ZNF791: variants seen among roughly 807,000 people sequenced by gnomAD.
The protein encoded by ZNF791 is zinc finger protein 791.
Under a neutral mutation model 11.5 loss-of-function variants are expected in ZNF791, and 4 were observed. The observed-to-expected ratio is 0.35, with a 90% CI of 0.17 to 0.80. ZNF791 has a LOEUF of 0.80. ZNF791 is among the 30% of genes least tolerant of loss of function. The pLI is 0.53. For synonymous variants in ZNF791, 212 were observed against 228.1 expected (o/e 0.93, Z 0.64); for missense variants, 559 against 699.4 (o/e 0.80, Z 2.26).
chr19:12,624,743 CTTGAAAGAATCTTAAAAATGTTAT>C, intron 3 of ZNF791, 33 bp downstream of exon 3: 1 of 1,552,838 alleles, frequency 6.4e-7, no homozygotes, highest in Non-Finnish European at 8.8e-7. Flanking sequence ...AACAGTGTTC[CTTGAAAGAATCTTAAAAATGTTAT>C]GGCCGGGCAC....
intron 1 of ZNF791, among the ~76,000 whole-genome samples, chr19:12,612,610 T>G (rs1320977473): frequency 2.7e-5 from 4 of 145,946 alleles, no homozygotes; most frequent in Non-Finnish European, 6.1e-5. Context: ...CCCAGCTAAT[T>G]TTTGTATTTT....
At chr19:12,614,150 G>A (rs1346890628) in intron 1 of ZNF791, among the ~76,000 whole-genome samples, 9 of 152,164 alleles carry the variant, frequency 5.9e-5, no homozygotes, top group Non-Finnish European at 1.0e-4. Context: ...AGAAGGAGGT[G>A]TGGAGCTCCC....
At chr19:12,613,919 C>T (rs571170095) in intron 1 of ZNF791, among the ~76,000 whole-genome samples, 2 of 152,262 alleles carry the variant, frequency 1.3e-5, no homozygotes, top group South Asian at 4.1e-4. Flanking sequence ...TGTTTTTAGA[C>T]ATTACGTTTT....
rs2023146276 is a variant in ZNF791 at position 12,610,959 on chromosome 19, G to C, written c.-121G>C. ...TCACTGTGCGATCGGGTTGTGCTTA[G>C]CTTGGGGTCTCCTGGCCCCTTGACG... On this transcript the variant is annotated 5_prime_UTR_variant, in exon 1 of 4. Transcript: ENST00000343325. 3.7e-6 allele frequency: 5 copies of C among 1,367,714 alleles called. No homozygotes were observed. The East Asian group carries it at 1.1e-4, about 31-fold the overall frequency. 84.7% of individuals were successfully genotyped at this position (1,367,714 alleles called of 1,614,324 possible).
intron 1 of ZNF791, among the ~76,000 whole-genome samples, chr19:12,622,842 C>T (rs775556843): frequency 3.4e-5 from 5 of 146,988 alleles, no homozygotes; most frequent in Non-Finnish European, 5.9e-5. Flanking sequence ...TGCAGTGAGC[C>T]GAGATCGCAC....
intron 1 of ZNF791, 27 bp from the exon 2 acceptor site, chr19:12,623,673 A>C (rs758469792): frequency 6.2e-7 from 1 of 1,613,270 alleles, no homozygotes; most frequent in African/African-American, 1.3e-5. Context: ...AATCTCACCT[A>C]TTCTCTACTT....
intron 1 of ZNF791, among the ~76,000 whole-genome samples, chr19:12,622,878 A>C (rs760311264): frequency 1.4e-5 from 2 of 143,396 alleles, no homozygotes; most frequent in Non-Finnish European, 3.0e-5. Flanking sequence ...TGGGTTACAG[A>C]GTGAGACTCC....
chr19:12,628,928 C>T lies in ZNF791; in HGVS notation c.1399C>T (p.Pro467Ser). Residue 467 changes from proline to serine, a missense_variant, in exon 4 of 4, where the codon CCC becomes TCC. Coordinates refer to ENST00000343325, the MANE Select transcript of ZNF791 (RefSeq NM_153358.3). ...THERTHTGEK[P>S]YECKQCGKAF... ...TGAAAGAACTCACACTGGAGAGAAACCCTATGAATGTAAACAATGTGGAAA... is the reference window on the plus strand; with the variant it reads ...TGAAAGAACTCACACTGGAGAGAAATCCTATGAATGTAAACAATGTGGAAA... 6.2e-7 allele frequency: 1 copy of T among 1,613,850 alleles called. No homozygotes were observed. The highest frequency in any genetic ancestry group is 8.5e-7 in the Non-Finnish European group (1 of 1,179,924).
At chr19:12,619,922 TTTTA>T (rs2023311806) in intron 1 of ZNF791, among the ~76,000 whole-genome samples, 2 of 151,100 alleles carry the variant, frequency 1.3e-5, no homozygotes, top group South Asian at 2.1e-4. Context: ...TTTATTTTTA[TTTTA>T]TTTATTTATT....
chr19:12,623,996 C>T (rs1263976014), intron 2 of ZNF791, among the ~76,000 whole-genome samples, 170 bp downstream of exon 2: 1 of 151,296 alleles, frequency 6.6e-6, no homozygotes, highest in Non-Finnish European at 1.5e-5. Context: ...GCTGGGATTA[C>T]AGGCACGTGC....
At chr19:12,621,774 G>A (rs1490637476) in intron 1 of ZNF791, among the ~76,000 whole-genome samples, 1 of 106,706 alleles carries the variant, frequency 9.4e-6, no homozygotes, top group Non-Finnish European at 2.1e-5. Flanking sequence ...GGTGGGGGGG[G>A]TCAGCCCCCC....
intron 1 of ZNF791, among the ~76,000 whole-genome samples, chr19:12,619,323 A>G (rs1310290504): frequency 6.6e-6 from 1 of 152,146 alleles, no homozygotes; most frequent in Non-Finnish European, 1.5e-5. Flanking sequence ...TGGTAGTTGG[A>G]AAAAAATTAC....
intron 1 of ZNF791, among the ~76,000 whole-genome samples, chr19:12,611,517 G>T (rs1940202779): frequency 6.6e-6 from 1 of 152,098 alleles, no homozygotes; most frequent in Admixed American, 6.6e-5. Flanking sequence ...ATCCCTCCCC[G>T]AATTCCCAAA....
At position 12,627,976 on chromosome 19, in the gene ZNF791, A is replaced by G; in HGVS notation, c.447A>G (p.Arg149=). The G allele has an allele frequency of 6.2e-7, 1 of 1,614,072 alleles. No homozygotes were observed. ...KAFSYLKSFQ[R]HERSHTGEKP... The stretch of plus-strand genomic sequence containing the variant: ...TTAGTTATCTCAAATCCTTTCAAAG[A>G]CATGAAAGGAGTCACACTGGAGAAA... The change falls in exon 4 of 4, where the codon AGA becomes AGG. Residue 149 remains arginine (R), a synonymous_variant. Transcript: ENST00000343325.
Position 12,628,478 on chromosome 19 carries a change from A to T in ZNF791, c.949A>T (p.Ile317Phe). 6.2e-7 allele frequency: 1 copy of T among 1,612,694 alleles called. No homozygotes were observed. The highest frequency in any genetic ancestry group is 8.5e-7 in the Non-Finnish European group (1 of 1,179,314). ...CTTCAGATGTTCCACCTCCATTCAA[A>T]TTCATGAAAGAATTCATACTGGAGA... ...KAFRCSTSIQ[I>F]HERIHTGEKP... The change falls in exon 4 of 4, where the codon ATT becomes TTT. Residue 317 changes from isoleucine to phenylalanine, a missense_variant. Ile to Phe is a conservative substitution (Grantham distance 21, BLOSUM62 0). Transcript: ENST00000343325.
chr19:12,621,798 G>A (rs1377942866), intron 1 of ZNF791, among the ~76,000 whole-genome samples: 7 of 138,510 alleles, frequency 5.1e-5, no homozygotes, highest in Admixed American at 7.2e-5. Flanking sequence ...CCGGCCAGCC[G>A]CCCCGTCCGG....
intron 1 of ZNF791, among the ~76,000 whole-genome samples, chr19:12,621,766 T>TG (rs1396147209): frequency 8.8e-4 from 80 of 91,106 alleles, no homozygotes; most frequent in South Asian, 2.3e-3. Context: ...GGGAGGGAGG[T>TG]GGGGGGGGTC....
rs1306344578 is a variant in ZNF791, at chr19:12,631,091, G to A, written c.*1831G>A. ...TAGTCCTGCAAGCTATGTTCATGGA[G>A]TGTCCTATGCAGGTGCATCCTTTTT... On this transcript the variant is annotated 3_prime_UTR_variant, in exon 4 of 4. Coordinates refer to ENST00000343325, the MANE Select transcript of ZNF791 (RefSeq NM_153358.3). 2 of 152,188 alleles carry A rather than the reference G, an allele frequency of 1.3e-5. No homozygotes were observed. Among genetic ancestry groups the A allele is most frequent in the East Asian group, 3.8e-4 (2 of 5,196 alleles). 9.4% of individuals were successfully genotyped at this position (152,188 alleles called of 1,614,324 possible).
intron 3 of ZNF791, among the ~76,000 whole-genome samples, chr19:12,624,917 G>C (rs990478233): frequency 4.6e-5 from 7 of 151,752 alleles, no homozygotes; most frequent in African/African-American, 1.7e-4. Flanking sequence ...CAGTTGTGGT[G>C]GTGGGCGCCT....
Sources: gnomAD v4.1 joint callset for allele counts (sites outside exome capture counted in the v4.1 genomes callset) on GRCh38, gnomAD v4.1.1 for gene constraint, MANE v1.5 for transcripts, NCBI Gene and HGNC (gene_info 2026-07-23, HGNC 2026-07-21) for gene names.